The following RBFOX1 variants were observed in gnomAD, a reference collection of about 807,000 sequenced individuals.
The protein encoded by RBFOX1 is RNA binding protein fox-1 homolog 1.
In RBFOX1, 8 loss-of-function variants were observed where a neutral mutation model predicts 57.7. The ratio of observed to expected loss-of-function variants is 0.14; its 90% CI spans 0.08 to 0.25. The LOEUF (loss-of-function observed/expected upper bound fraction) is 0.25. Ranked by LOEUF, RBFOX1 falls within the 10% of genes least tolerant of loss-of-function variation. The pLI, the probability that RBFOX1 is intolerant of heterozygous loss-of-function variation, is 1.00. For missense variants in RBFOX1, 611 were observed against 548.5 expected, an observed-to-expected ratio of 1.11 and a Z score of -1.14; for synonymous variants, 326 against 222.4, an observed-to-expected ratio of 1.47 and a Z score of -4.15.
chr16:7,320,015 C>A (rs1362711373), intron 4 of RBFOX1, among the ~76,000 whole-genome samples: 1 of 152,106 alleles, frequency 6.6e-6, no homozygotes. Flanking sequence ...GCCTTTTATG[C>A]AAGTGTACGT....
chr16:5,897,491 A>T (rs1198274441), intron 4 of RBFOX1, among the ~76,000 whole-genome samples: 1 of 152,144 alleles, frequency 6.6e-6, no homozygotes, highest in Non-Finnish European at 1.5e-5. Flanking sequence ...GATCAATGTT[A>T]TTCTCGAAAA....
intron 1 of RBFOX1, among the ~76,000 whole-genome samples, chr16:5,336,068 A>C (rs1424297910): frequency 1.3e-5 from 2 of 152,170 alleles, no homozygotes; most frequent in Non-Finnish European, 2.9e-5. Flanking sequence ...GCAAGGAATT[A>C]ACCTCTAGGA....
chr16:7,084,030 T>A (rs1226764249), intron 4 of RBFOX1, among the ~76,000 whole-genome samples: 1 of 152,140 alleles, frequency 6.6e-6, no homozygotes, highest in Admixed American at 6.5e-5. Context: ...ACTCTCCTGA[T>A]CATCTTTCAG....
chr16:6,272,438 C>G (rs75477708), intron 1 of RBFOX1, among the ~76,000 whole-genome samples: 1 of 152,206 alleles, frequency 6.6e-6, no homozygotes, highest in African/African-American at 2.4e-5. Flanking sequence ...AACTGCAAAA[C>G]TTTTTAAAAA....
intron 3 of RBFOX1, among the ~76,000 whole-genome samples, chr16:5,775,884 C>T (rs560725196): frequency 5.9e-5 from 9 of 152,314 alleles, no homozygotes; most frequent in African/African-American, 2.2e-4. Context: ...CAGGGCCAGA[C>T]AATTGTTCTC....
At chr16:5,760,149 G>A (rs1276319138) in intron 3 of RBFOX1, among the ~76,000 whole-genome samples, 1 of 152,046 alleles carries the variant, frequency 6.6e-6, no homozygotes, top group African/African-American at 2.4e-5. Context: ...TTGTTAGGGT[G>A]ACCAGGTTGT....
intron 3 of RBFOX1, chr16:6,775,586 G>T (rs925396380): frequency 3.3e-5 from 5 of 152,076 alleles, no homozygotes; most frequent in Admixed American, 6.6e-5. Flanking sequence ...AAAGATGGAG[G>T]GTTCTGACAG....
intron 1 of RBFOX1, among the ~76,000 whole-genome samples, chr16:6,202,095 C>T (rs1202388290): frequency 1.3e-5 from 2 of 152,154 alleles, no homozygotes; most frequent in East Asian, 3.9e-4. Context: ...AAAAACATAC[C>T]TTGAGTTGGG....
chr16:7,173,049 T>A (rs1378813509), intron 4 of RBFOX1, among the ~76,000 whole-genome samples: 1 of 152,238 alleles, frequency 6.6e-6, no homozygotes, highest in African/African-American at 2.4e-5. Context: ...AAATAAGATA[T>A]TAGTACCCAA....
intron 6 of RBFOX1, among the ~76,000 whole-genome samples, chr16:7,583,429 A>G (rs1229506497): frequency 6.6e-6 from 1 of 152,240 alleles, no homozygotes. Flanking sequence ...AAAGAGGAAT[A>G]TATGGATTTC....
chr16:5,470,748 T>C (rs1000742524), intron 2 of RBFOX1, among the ~76,000 whole-genome samples: 4 of 152,122 alleles, frequency 2.6e-5, no homozygotes, highest in African/African-American at 9.7e-5. Context: ...ATTTGAACCC[T>C]GGTCTGTCCG....
chr16:6,056,921 A>G (rs2095621824), intron 1 of RBFOX1: 1 of 151,734 alleles, frequency 6.6e-6, no homozygotes, highest in Non-Finnish European at 1.5e-5. Flanking sequence ...TTAATAACCA[A>G]AGTCCTGATG....
At chr16:6,518,691 A>C (rs772474222) in intron 2 of RBFOX1, among the ~76,000 whole-genome samples, 15 of 152,040 alleles carry the variant, frequency 9.9e-5, no homozygotes, top group South Asian at 2.1e-4. Context: ...AATTTTATCT[A>C]TGTATGTATC....
At chr16:6,389,337 A>T (rs1390045577) in intron 2 of RBFOX1, among the ~76,000 whole-genome samples, 1 of 147,818 alleles carries the variant, frequency 6.8e-6, no homozygotes, top group Non-Finnish European at 1.5e-5. Context: ...CCTGCCCACC[A>T]CTAGCTTACA....
intron 5 of RBFOX1, among the ~76,000 whole-genome samples, chr16:7,563,228 A>G (rs1016754319): frequency 6.6e-6 from 1 of 152,210 alleles, no homozygotes; most frequent in Non-Finnish European, 1.5e-5. Flanking sequence ...ACTCTTCTCG[A>G]TGCTGGTTAT....
intron 2 of RBFOX1, among the ~76,000 whole-genome samples, chr16:6,653,215 C>T (rs1046555283): frequency 1.3e-5 from 2 of 152,164 alleles, no homozygotes; most frequent in African/African-American, 4.8e-5. Context: ...TCGTATTCCC[C>T]TACCCTCAGC....
rs145048950 is a variant in RBFOX1, at chr16:7,472,741, G to A, written c.28-45406G>A. ...ATATGACAGGAAAACCAAGTTCCCA[G>A]ACTGTGGCAAAATTGTTTCACTAAG... On this transcript the variant is annotated intron_variant, in intron 4 of 15. Transcript: ENST00000550418. Among the ~76,000 whole-genome samples the A allele has an allele frequency of 9.7e-4, 147 of 152,234 alleles. 1 individual carries two copies. Among genetic ancestry groups the A allele is most frequent in the African/African-American group, 3.3e-3 (137 of 41,552 alleles).
intron 3 of RBFOX1, among the ~76,000 whole-genome samples, chr16:6,769,991 T>C (rs2154210943): frequency 6.6e-6 from 1 of 152,118 alleles, no homozygotes; most frequent in East Asian, 1.9e-4. Flanking sequence ...CTTTATGAGA[T>C]GGCTATTTTT....
chr16:7,150,873 T>C (rs2075978263), intron 4 of RBFOX1, among the ~76,000 whole-genome samples: 1 of 152,198 alleles, frequency 6.6e-6, no homozygotes, highest in Admixed American at 6.5e-5. Flanking sequence ...TACACCACAT[T>C]ATAATTATGA....
Sources: gnomAD v4.1 joint callset for allele counts (sites outside exome capture counted in the v4.1 genomes callset) on GRCh38, gnomAD v4.1.1 for gene constraint, MANE v1.5 for transcripts, NCBI Gene and HGNC (gene_info 2026-07-23, HGNC 2026-07-21) for gene names.